Variants in SERGEF observed in about 807,000 individuals in gnomAD.
The protein encoded by SERGEF is secretion-regulating guanine nucleotide exchange factor.
SERGEF carries 51 observed loss-of-function variants against 50.0 expected under a neutral mutation model. That is an observed-to-expected ratio of 1.02 (90% confidence interval 0.81 to 1.29). SERGEF has a LOEUF of 1.29. Ranked by LOEUF, SERGEF falls within the 50% of genes most tolerant of loss-of-function variation. The pLI is 0.00. For missense variants in SERGEF, 521 were observed against 557.0 expected, an observed-to-expected ratio of 0.94 and a Z score of 0.65; for synonymous variants, 205 against 212.4, an observed-to-expected ratio of 0.97 and a Z score of 0.30.
At chr11:17,856,525 C>A (rs1850821354) in intron 10 of SERGEF, 1 of 152,156 alleles carries the variant, frequency 6.6e-6, no homozygotes, top group Non-Finnish European at 1.5e-5. Context: ...CAATCTGTTA[C>A]TGAATAATTT....
chr11:17,809,246 T>C (rs1679215828), intron 10 of SERGEF, among the ~76,000 whole-genome samples: 1 of 152,064 alleles, frequency 6.6e-6, no homozygotes, highest in African/African-American at 2.4e-5. Context: ...ATAATGGTGG[T>C]AGTTCCACTT....
chr11:17,790,341 TTTTTTTTTTCTG>T (rs1849461070), intron 10 of SERGEF, among the ~76,000 whole-genome samples: 1 of 152,158 alleles, frequency 6.6e-6, no homozygotes, highest in Admixed American at 6.5e-5. Context: ...TCACATATTT[TTTTTTTTTTCTG>T]CAAGTTGCTC....
At chr11:17,892,723 C>T (rs1851556168) in intron 9 of SERGEF, among the ~76,000 whole-genome samples, 1 of 152,182 alleles carries the variant, frequency 6.6e-6, no homozygotes, top group African/African-American at 2.4e-5. Context: ...CCAAGACTAC[C>T]AGGAACTTGT....
intron 9 of SERGEF, among the ~76,000 whole-genome samples, chr11:17,889,748 T>C (rs1351191409): frequency 6.6e-6 from 1 of 152,122 alleles, no homozygotes; most frequent in African/African-American, 2.4e-5. Context: ...TGTGGCAAAA[T>C]GTTAATACAT....
intron 9 of SERGEF, among the ~76,000 whole-genome samples, chr11:17,921,612 G>A (rs1852156483): frequency 6.6e-6 from 1 of 152,240 alleles, no homozygotes; most frequent in African/African-American, 2.4e-5. Flanking sequence ...AAAAGGGAAT[G>A]AGTGCTAAGA....
intron 9 of SERGEF, among the ~76,000 whole-genome samples, chr11:17,927,743 C>A (rs1427151906): frequency 6.6e-6 from 1 of 152,214 alleles, no homozygotes; most frequent in Non-Finnish European, 1.5e-5. Flanking sequence ...TGGAAAGTAG[C>A]CCTACTGACT....
At chr11:17,859,231 T>C (rs1850882145) in intron 10 of SERGEF, among the ~76,000 whole-genome samples, 1 of 152,106 alleles carries the variant, frequency 6.6e-6, no homozygotes, top group Non-Finnish European at 1.5e-5. Context: ...ACTCTATAAT[T>C]AATATCCATA....
chr11:18,004,685 A>G (rs1854036062), intron 3 of SERGEF, 150 bp from the exon 4 acceptor site: 1 of 627,026 alleles, frequency 1.6e-6, no homozygotes, highest in East Asian at 2.8e-5. Context: ...TCCTCTAGGA[A>G]TGAAAACACT....
In SERGEF at chr11:17,991,230, C is replaced by A. The variant is rs1204738052; in HGVS notation, c.685+1701G>T. ...GTATACTTTAAAAGAAATTTAATTTCTTATATTTAAAATACATCTTAATTA... is the reference window on the plus strand; with the variant it reads ...GTATACTTTAAAAGAAATTTAATTTATTATATTTAAAATACATCTTAATTA... On this transcript the variant is annotated intron_variant, in intron 7 of 10. Transcript: ENST00000265965. The surrounding 1 kb of genome is among the most constrained non-coding windows in gnomAD (Gnocchi z 4.9). Among the ~76,000 whole-genome samples the A allele has an allele frequency of 6.6e-6, 1 of 151,994 alleles. No individual in the cohort carries two copies. The highest frequency in any genetic ancestry group is 1.5e-5 in the Non-Finnish European group (1 of 67,988).
intron 9 of SERGEF, among the ~76,000 whole-genome samples, chr11:17,883,915 T>C (rs1245847643): frequency 3.1e-5 from 4 of 127,636 alleles, no homozygotes; most frequent in Admixed American, 7.7e-5. Context: ...CGCCGCCAGA[T>C]TGTTCAAATC....
chr11:17,899,881 A>G (rs1278274988), intron 9 of SERGEF, among the ~76,000 whole-genome samples: 1 of 151,810 alleles, frequency 6.6e-6, no homozygotes, highest in African/African-American at 2.4e-5. Flanking sequence ...GCTTGAGCCC[A>G]GGAGTTCAAG....
chr11:17,809,678 C>G (rs776072394), intron 10 of SERGEF, among the ~76,000 whole-genome samples: 1 of 151,940 alleles, frequency 6.6e-6, no homozygotes, highest in African/African-American at 2.4e-5. Flanking sequence ...GAGGGCAGGA[C>G]GGAGAGAAAG....
intron 8 of SERGEF, among the ~76,000 whole-genome samples, chr11:17,974,336 C>G (rs1853322396): frequency 6.6e-6 from 1 of 152,202 alleles, no homozygotes; most frequent in South Asian, 2.1e-4. Context: ...TTAGTCCCAC[C>G]AGAGACAGTT....
intron 8 of SERGEF, among the ~76,000 whole-genome samples, chr11:17,985,041 A>G (rs1429717660): frequency 6.6e-6 from 1 of 152,238 alleles, no homozygotes; most frequent in Non-Finnish European, 1.5e-5. Flanking sequence ...ATAATATGAA[A>G]GAGCCACTTG....
chr11:17,853,880 T>G (rs1357729634), intron 10 of SERGEF: 4 of 151,988 alleles, frequency 2.6e-5, no homozygotes, highest in Non-Finnish European at 5.9e-5. Context: ...CCAGGCACAG[T>G]GGCGCACACC....
intron 1 of SERGEF, chr11:18,010,367 C>A (rs1854171465): frequency 5.6e-6 from 1 of 178,762 alleles, no homozygotes; most frequent in Admixed American, 5.7e-5. Flanking sequence ...GTGCATTCAC[C>A]TTTAATCCTC....
rs1565198066 is a variant in SERGEF at position 17,896,780 on chromosome 11, G to GGTAAGGGAAGC, written c.1012-18537_1012-18536insGCTTCCCTTAC. Among the ~76,000 whole-genome samples the GGTAAGGGAAGC allele has an allele frequency of 4.3e-4, 55 of 127,840 alleles. 4 individuals are homozygous for GGTAAGGGAAGC. The East Asian group carries it at 0.015, about 36-fold the overall frequency. The allele number at this position is 127,840 out of a possible 152,430, so 83.9% of individuals were successfully genotyped here. A position where few individuals can be genotyped will look rare whatever the true frequency, so the allele number is the denominator to read the frequency against. ...TAAGGGAAGGGAAGGGTAAGGGAAG[G>GGTAAGGGAAGC]GTAAGGGAAGGGTAAGGGAAGGGTA... On this transcript the variant is annotated intron_variant, in intron 9 of 10. Coordinates refer to ENST00000265965, the MANE Select transcript of SERGEF (RefSeq NM_012139.4).
At chr11:17,961,124 C>T (rs1269075262) in intron 8 of SERGEF, among the ~76,000 whole-genome samples, 1 of 152,192 alleles carries the variant, frequency 6.6e-6, no homozygotes, top group Non-Finnish European at 1.5e-5. Flanking sequence ...ACTATGCCGC[C>T]ATTTGGCAGG....
In SERGEF at chr11:17,959,561, C is replaced by T. The variant is rs766169505; in HGVS notation, c.920G>A (p.Trp307Ter). 2 of 1,614,104 alleles carry T rather than the reference C, an allele frequency of 1.2e-6. No individual in the cohort carries two copies. The highest frequency in any genetic ancestry group is 1.7e-6 in the Non-Finnish European group (2 of 1,179,984). ...AAATGAATCTTGCTTTTCTAGTTTC[C>T]AGCCTTCATAAGTCTCCAACTTCCT... ...LGRKLETYEG[W>*]KLEKQDSFLP... Residue 307 changes from tryptophan to a stop codon, truncating the protein, a stop_gained, in exon 9 of 11, where the codon TGG becomes TAG. Transcript: ENST00000265965. LOFTEE classifies it high-confidence loss of function.
Sources: gnomAD v4.1 joint callset for allele counts (sites outside exome capture counted in the v4.1 genomes callset) on GRCh38, gnomAD v4.1.1 for gene constraint, Gnocchi (gnomAD v3.1) non-coding constraint, MANE v1.5 for transcripts, NCBI Gene and HGNC (gene_info 2026-07-23, HGNC 2026-07-21) for gene names.